MON1B: variants seen among roughly 807,000 people sequenced by gnomAD.
The protein encoded by MON1B is vacuolar fusion protein MON1 homolog B.
MON1B carries 26 observed loss-of-function variants against 45.1 expected under a neutral mutation model. That is an observed-to-expected ratio of 0.58 (90% CI 0.42 to 0.80). The LOEUF (loss-of-function observed/expected upper bound fraction) is 0.80. Among genes scored for constraint, MON1B ranks in the 30% least tolerant of loss-of-function variants. The pLI, the probability that MON1B is intolerant of heterozygous loss-of-function variation, is 0.00. For missense variants in MON1B, 737 were observed against 754.5 expected (o/e 0.98, Z 0.27); for synonymous variants, 395 against 320.2 (o/e 1.23, Z -2.49).
Position 77,194,237 on chromosome 16 carries a change from G to C in MON1B, c.476-98G>C, listed in dbSNP as rs1238753857. On this transcript the variant is annotated intron_variant, in intron 3 of 5. Transcript: ENST00000248248. The surrounding 1 kb of genome is among the most constrained non-coding windows in gnomAD (Gnocchi z 8.1). Reference sequence around the variant, plus strand: ...GAGTGAGCATGTGGACTCGGGCCTGGTGTGTGTATGGTAGGAGAGGGCAGA... The same window carrying C: ...GAGTGAGCATGTGGACTCGGGCCTGCTGTGTGTATGGTAGGAGAGGGCAGA... 2 of 1,095,014 alleles carry C rather than the reference G, an allele frequency of 1.8e-6. No homozygotes were observed. Among genetic ancestry groups the C allele is most frequent in the South Asian group, 1.2e-5 (1 of 80,164 alleles). 67.8% of individuals were successfully genotyped at this position (1,095,014 alleles called of 1,614,324 possible).
intron 5 of MON1B, among the ~76,000 whole-genome samples, chr16:77,197,310 C>G (rs4888606): frequency 0.48 from 73,126 of 152,032 alleles, 19,894 homozygotes; most frequent in Non-Finnish European, 0.6. Context: ...GCAGGAGAAT[C>G]GCTTGAACCT....
At position 77,193,309 on chromosome 16, in the gene MON1B, T is replaced by C. The variant is rs1320538145; in HGVS notation, c.149-142T>C. On this transcript the variant is annotated intron_variant, in intron 2 of 5. Transcript: ENST00000248248. This position sits in a 1 kb window ranked among gnomAD's most constrained non-coding sequence, Gnocchi z 5.0. ...GGGTCCTAGGGCAGTCATCGGGTCA[T>C]TGAGGGGCATAGGAGACACTTGGAG... The C allele has an allele frequency of 1.2e-5, 9 of 743,772 alleles. No homozygotes were observed. Among genetic ancestry groups the C allele is most frequent in the Non-Finnish European group, 1.7e-5 (8 of 464,768 alleles). 46.1% of individuals were successfully genotyped at this position (743,772 alleles called of 1,614,324 possible). A position where few individuals can be genotyped will look rare whatever the true frequency, so the allele number is the denominator to read the frequency against.
chr16:77,194,444 A>G lies in MON1B; in HGVS notation c.585A>G (p.Ala195=), dbSNP rs769978793. The part of the protein sequence containing the change: ...QLRGELLAVH[A]QIVSTLTRAS... ...GGGGGGAGCTGCTAGCTGTGCACGC[A>G]CAGATCGTGAGCACACTTACACGTG... The change falls in exon 4 of 6, where the codon GCA becomes GCG. Residue 195 remains alanine (A), a synonymous_variant. Coordinates refer to ENST00000248248, the MANE Select transcript of MON1B (RefSeq NM_014940.4). This position sits in a 1 kb window ranked among gnomAD's most constrained non-coding sequence, Gnocchi z 8.1. 7 of 1,613,908 alleles carry G rather than the reference A, an allele frequency of 4.3e-6. No individual in the cohort carries two copies. The highest frequency in any genetic ancestry group is 5.9e-6 in the Non-Finnish European group (7 of 1,180,020).
intron 2 of MON1B, among the ~76,000 whole-genome samples, chr16:77,192,238 A>G (rs1424588905): frequency 1.3e-5 from 2 of 152,220 alleles, no homozygotes; most frequent in African/African-American, 2.4e-5. Flanking sequence ...GGGAAGGATC[A>G]GTGGACCTCA....
chr16:77,197,182 G>C (rs999632030), intron 5 of MON1B, among the ~76,000 whole-genome samples: 1 of 152,070 alleles, frequency 6.6e-6, no homozygotes, highest in Non-Finnish European at 1.5e-5. Flanking sequence ...CGAGTCACAA[G>C]GTCAGGAGTT....
intron 2 of MON1B, among the ~76,000 whole-genome samples, chr16:77,191,880 G>C (rs977551842): frequency 1.2e-4 from 18 of 152,184 alleles, no homozygotes; most frequent in African/African-American, 4.3e-4. Flanking sequence ...GAATCAAAAA[G>C]GGGGCTGTTA....
chr16:77,192,741 G>A (rs1240584800), intron 2 of MON1B, among the ~76,000 whole-genome samples: 14 of 152,048 alleles, frequency 9.2e-5, no homozygotes, highest in Admixed American at 9.2e-4. Context: ...TGTGGATCAG[G>A]GCAGTCATGG....
rs959195996 is a variant in MON1B at position 77,200,455 on chromosome 16, A to G, written c.*2147A>G. On this transcript the variant is annotated 3_prime_UTR_variant, in exon 6 of 6. Coordinates refer to ENST00000248248, the MANE Select transcript of MON1B (RefSeq NM_014940.4). Reference sequence around the variant, plus strand: ...TGACAGAGTGAGACTCCGTCTCAAAAGAAAAAAAATTCTCCCTTGGCCGGG... The same window carrying G: ...TGACAGAGTGAGACTCCGTCTCAAAGGAAAAAAAATTCTCCCTTGGCCGGG... The G allele has an allele frequency of 1.3e-5, 2 of 150,464 alleles. No individual in the cohort carries two copies. The highest frequency in any genetic ancestry group is 4.9e-5 in the African/African-American group (2 of 40,968). The allele number at this position is 150,464 out of a possible 1,614,324, so 9.3% of individuals were successfully genotyped here.
intron 5 of MON1B, among the ~76,000 whole-genome samples, chr16:77,196,741 A>C (rs2054669385): frequency 6.6e-6 from 1 of 152,194 alleles, no homozygotes; most frequent in Non-Finnish European, 1.5e-5. Context: ...GCGCCACTGC[A>C]CTCCAGCCTG....
Position 77,194,729 on chromosome 16 carries a change from G to A in MON1B, c.870G>A (p.Glu290=), listed in dbSNP as rs771542496. 4.3e-6 allele frequency: 7 copies of A among 1,613,854 alleles called. No homozygotes were observed. Among genetic ancestry groups the A allele is most frequent in the South Asian group, 2.2e-5 (2 of 91,056 alleles). The stretch of plus-strand genomic sequence containing the variant: ...GTCGACTTATAACAGCAGCCCAGGA[G>A]CGAAATGTGCTGGCCGAGTGCCGGC... The part of the protein sequence containing the change: ...VGGRLITAAQ[E]RNVLAECRLD... Residue 290 remains glutamate, a synonymous_variant, in exon 4 of 6, where the codon GAG becomes GAA. Coordinates refer to ENST00000248248, the MANE Select transcript of MON1B (RefSeq NM_014940.4). The surrounding 1 kb of genome is among the most constrained non-coding windows in gnomAD (Gnocchi z 8.1).
intron 2 of MON1B, among the ~76,000 whole-genome samples, chr16:77,192,473 GGATGT>G (rs903062961): frequency 6.6e-6 from 1 of 152,190 alleles, no homozygotes; most frequent in African/African-American, 2.4e-5. Context: ...GGGAATAAAT[GGATGT>G]GTCAGTAGGG....
In MON1B at chr16:77,198,353, T is replaced by C; in HGVS notation, c.*45T>C. On this transcript the variant is annotated 3_prime_UTR_variant, in exon 6 of 6. Transcript: ENST00000248248. ...AGGCAGTGCTGGGAGCAACCACCTT[T>C]GTTTTTTACCTTCTGTCTACCCTGG... 1 of 1,571,956 alleles carries C rather than the reference T, an allele frequency of 6.4e-7. No individual in the cohort carries two copies. Among genetic ancestry groups the C allele is most frequent in the Non-Finnish European group, 8.8e-7 (1 of 1,142,006 alleles).
chr16:77,193,854 A>G lies in MON1B; in HGVS notation c.475+77A>G, dbSNP rs925895796. 7 of 1,450,782 alleles carry G rather than the reference A, an allele frequency of 4.8e-6. No individual in the cohort carries two copies. The highest frequency in any genetic ancestry group is 2.0e-5 in the Admixed American group (1 of 49,520). 89.9% of individuals were successfully genotyped at this position (1,450,782 alleles called of 1,614,324 possible). On this transcript the variant is annotated intron_variant, in intron 3 of 5. Coordinates refer to ENST00000248248, the MANE Select transcript of MON1B (RefSeq NM_014940.4). This position sits in a 1 kb window ranked among gnomAD's most constrained non-coding sequence, Gnocchi z 5.0. ...TGGCACGGGTAGGTCTGTCTGCCTC[A>G]GGCACTATCCAGCCAGCCAGGGTTG...
In MON1B at chr16:77,196,204, C is replaced by T. The variant is rs530709630; in HGVS notation, c.1443+522C>T. Reference sequence around the variant, plus strand: ...GGGAGGCCAGTGAAGGAGGCCTCATCAGAAATGGCACCTGCCATGTAATGC... The same window carrying T: ...GGGAGGCCAGTGAAGGAGGCCTCATTAGAAATGGCACCTGCCATGTAATGC... On this transcript the variant is annotated intron_variant, in intron 5 of 5. Transcript: ENST00000248248. Among the ~76,000 whole-genome samples the T allele has an allele frequency of 2.6e-5, 4 of 152,288 alleles. No individual in the cohort carries two copies. In the East Asian group the frequency reaches 5.8e-4, roughly 22 times the overall value.
In MON1B at chr16:77,200,437, G is replaced by C. The variant is rs2054726737; in HGVS notation, c.*2129G>C. 6.6e-6 allele frequency: 1 copy of C among 151,026 alleles called. No homozygotes were observed. Among genetic ancestry groups the C allele is most frequent in the Non-Finnish European group, 1.5e-5 (1 of 67,780 alleles). 9.4% of individuals were successfully genotyped at this position (151,026 alleles called of 1,614,324 possible). On this transcript the variant is annotated 3_prime_UTR_variant, in exon 6 of 6. Transcript: ENST00000248248. ...ACTGCACTCCAGCCTGGGTGACAGA[G>C]TGAGACTCCGTCTCAAAAGAAAAAA...
rs940694466 is a variant in MON1B at position 77,200,238 on chromosome 16, A to G, written c.*1930A>G. On this transcript the variant is annotated 3_prime_UTR_variant, in exon 6 of 6. Coordinates refer to ENST00000248248, the MANE Select transcript of MON1B (RefSeq NM_014940.4). Reference sequence around the variant, plus strand: ...TGTATGTATGTATGTGTGTGTATATATATATATATGTATATGTGTATATAT... The same window carrying G: ...TGTATGTATGTATGTGTGTGTATATGTATATATATGTATATGTGTATATAT... The G allele has an allele frequency of 2.9e-5, 4 of 136,008 alleles. No individual in the cohort carries two copies. Among genetic ancestry groups the G allele is most frequent in the Non-Finnish European group, 4.7e-5 (3 of 64,042 alleles). 8.4% of individuals were successfully genotyped at this position (136,008 alleles called of 1,614,324 possible).
Position 77,195,585 on chromosome 16 carries a change from C to T in MON1B, c.1346C>T (p.Ser449Leu), listed in dbSNP as rs769027511. 30 of 1,614,014 alleles carry T rather than the reference C, an allele frequency of 1.9e-5. No homozygotes were observed. Among genetic ancestry groups the T allele is most frequent in the Non-Finnish European group, 2.5e-5 (29 of 1,179,974 alleles). ...AGAGAGGAGGAGCGGCAGCGGCTGT[C>T]GGACCTGTACCACCGCCTGCATGCT... is the stretch of plus-strand genomic sequence containing the variant. The part of the protein sequence containing the change: ...YSREEERQRL[S>L]DLYHRLHARL... The change falls in exon 5 of 6, where the codon TCG becomes TTG. Residue 449 changes from serine (S) to leucine (L), a missense_variant. By Grantham distance (145) the Ser-to-Leu change is moderately radical (BLOSUM62 -2). Coordinates refer to ENST00000248248, the MANE Select transcript of MON1B (RefSeq NM_014940.4).
At chr16:77,191,356 G>C in intron 1 of MON1B, 98 bp downstream of exon 1, 2 of 1,567,348 alleles carry the variant, frequency 1.3e-6, no homozygotes, top group Non-Finnish European at 1.7e-6. Flanking sequence ...TGGATGTCTC[G>C]TCCTATTGAA....
chr16:77,191,597 C>A lies in MON1B; in HGVS notation c.112C>A (p.Pro38Thr). ...AREGGGVHAV[P>T]PDPEDEGLEE... ...AGAAGGTGGAGGGGTTCACGCGGTC[C>A]CGCCGGATCCCGAAGACGAGGGCCT... is the stretch of plus-strand genomic sequence containing the variant. The change falls in exon 2 of 6, where the codon CCG (proline) becomes ACG (threonine). Residue 38 changes from proline (P) to threonine (T), a missense_variant. Pro to Thr is a conservative substitution (Grantham distance 38). Coordinates refer to ENST00000248248, the MANE Select transcript of MON1B (RefSeq NM_014940.4). 1 of 1,610,018 alleles carries A rather than the reference C, an allele frequency of 6.2e-7. No homozygotes were observed. Among genetic ancestry groups the A allele is most frequent in the Non-Finnish European group, 8.5e-7 (1 of 1,178,954 alleles).
Sources: gnomAD v4.1 joint callset for allele counts (sites outside exome capture counted in the v4.1 genomes callset) on GRCh38, gnomAD v4.1.1 for gene constraint, Gnocchi (gnomAD v3.1) non-coding constraint, MANE v1.5 for transcripts, NCBI Gene and HGNC (gene_info 2026-07-23, HGNC 2026-07-21) for gene names.